MYO16: variants seen among roughly 807,000 people sequenced by gnomAD.
The protein encoded by MYO16 is unconventional myosin-XVI.
In MYO16, 94 loss-of-function variants were observed where a neutral mutation model predicts 205.3. The ratio of observed to expected loss-of-function variants is 0.46; its 90% CI spans 0.39 to 0.54. MYO16 has a LOEUF of 0.54. Ranked by LOEUF, MYO16 falls within the 20% of genes least tolerant of loss-of-function variation. The pLI is 0.00. For missense variants in MYO16, 2,315 were observed against 2,387.5 expected, an observed-to-expected ratio of 0.97 and a Z score of 0.63; for synonymous variants, 988 against 954.0, an observed-to-expected ratio of 1.04 and a Z score of -0.66.
intron 9 of MYO16, among the ~76,000 whole-genome samples, chr13:108,826,100 G>A (rs1430063549): frequency 6.6e-6 from 1 of 151,952 alleles, no homozygotes; most frequent in Non-Finnish European, 1.5e-5. Context: ...AACAATTCAA[G>A]GACCCAGAAT....
intron 16 of MYO16, among the ~76,000 whole-genome samples, chr13:108,921,005 GCA>G (rs1334331120): frequency 6.6e-6 from 1 of 152,158 alleles, no homozygotes; most frequent in African/African-American, 2.4e-5. Context: ...AGGGACACCT[GCA>G]CAGTTCCACA....
chr13:108,747,729 A>C (rs7988524), intron 4 of MYO16, among the ~76,000 whole-genome samples: 149,524 of 152,244 alleles, frequency 0.98, 73,470 homozygotes, highest in Middle Eastern at 1. Context: ...AATTAAAAGA[A>C]ACAGATCATT....
the MYO16 span, among the ~76,000 whole-genome samples, chr13:108,562,852 T>A: frequency 6.6e-6 from 1 of 152,196 alleles, no homozygotes; most frequent in Non-Finnish European, 1.5e-5. Flanking sequence ...TTTAGGTTTG[T>A]GTAAGTGTTT....
chr13:108,521,338 G>A, the MYO16 span, among the ~76,000 whole-genome samples: 18 of 152,192 alleles, frequency 1.2e-4, no homozygotes, highest in East Asian at 1.9e-4. Flanking sequence ...AGTGATATAA[G>A]TAATCAATAC....
chr13:109,108,437 G>T (rs1405221461), intron 28 of MYO16, among the ~76,000 whole-genome samples: 1 of 152,156 alleles, frequency 6.6e-6, no homozygotes, highest in South Asian at 2.1e-4. Context: ...GTACTATCTG[G>T]CACCTACTAA....
At chr13:108,914,273 T>C (rs967788264) in intron 16 of MYO16, among the ~76,000 whole-genome samples, 7 of 151,250 alleles carry the variant, frequency 4.6e-5, no homozygotes, top group African/African-American at 1.2e-4. Context: ...ATATCTACTA[T>C]TATTAAGAAT....
In MYO16 at chr13:109,115,560, G is replaced by A. The variant is rs577068839; in HGVS notation, c.3439-4810G>A. ...TAGTGAGAAACATTCTTTGATGTGA[G>A]AATGCCACCAAAATGAAAAACGTAG... On this transcript the variant is annotated intron_variant, in intron 28 of 34. Coordinates refer to ENST00000457511, the MANE Select transcript of MYO16 (RefSeq NM_001198950.3). Among the ~76,000 whole-genome samples, 24 of 152,252 alleles carry A rather than the reference G, an allele frequency of 1.6e-4. 1 individual carries two copies. In the East Asian group the frequency reaches 4.6e-3, roughly 29 times the overall value.
intron 1 of MYO16, among the ~76,000 whole-genome samples, chr13:108,650,557 C>T (rs918401535): frequency 3.3e-5 from 5 of 152,148 alleles, no homozygotes; most frequent in African/African-American, 9.7e-5. Context: ...GCAGAAAGAT[C>T]GTTCAACATT....
At chr13:109,036,513 T>C (rs944084380) in intron 23 of MYO16, among the ~76,000 whole-genome samples, 1 of 152,182 alleles carries the variant, frequency 6.6e-6, no homozygotes, top group Admixed American at 6.5e-5. Context: ...AAAAGCCGCA[T>C]ACTGTCACTG....
chr13:108,869,598 G>A (rs1878926035), intron 12 of MYO16, among the ~76,000 whole-genome samples: 1 of 150,212 alleles, frequency 6.7e-6, no homozygotes, highest in Non-Finnish European at 1.5e-5. Flanking sequence ...GGGCGTCGTG[G>A]CGGGCGTCTG....
intron 4 of MYO16, among the ~76,000 whole-genome samples, chr13:108,780,521 A>G (rs1244606866): frequency 6.6e-6 from 1 of 152,200 alleles, no homozygotes; most frequent in African/African-American, 2.4e-5. Context: ...ACAAATATCT[A>G]TCTGGAATGA....
chr13:108,522,716 A>C, the MYO16 span, among the ~76,000 whole-genome samples: 2 of 151,830 alleles, frequency 1.3e-5, no homozygotes. Flanking sequence ...CTCGGCTTGT[A>C]GATCTCTGCT....
the MYO16 span, among the ~76,000 whole-genome samples, chr13:108,506,403 T>G: frequency 2.0e-5 from 3 of 152,150 alleles, no homozygotes; most frequent in Admixed American, 6.5e-5. Context: ...TTCCTAAGCA[T>G]TTTATTCTTT....
intron 3 of MYO16, among the ~76,000 whole-genome samples, chr13:108,717,020 C>T (rs532930364): frequency 3.6e-4 from 55 of 152,014 alleles, no homozygotes; most frequent in South Asian, 3.5e-3. Context: ...GTCTGTATCC[C>T]AGGCAGTTGG....
intron 22 of MYO16, among the ~76,000 whole-genome samples, chr13:109,015,604 G>T (rs1234619402): frequency 6.6e-6 from 1 of 152,018 alleles, no homozygotes; most frequent in African/African-American, 2.4e-5. Flanking sequence ...GACTTTTTTG[G>T]TTTGTAGGCT....
the MYO16 span, among the ~76,000 whole-genome samples, chr13:108,540,180 G>A: frequency 6.6e-6 from 1 of 152,106 alleles, no homozygotes; most frequent in Non-Finnish European, 1.5e-5. Flanking sequence ...ACACTGTAAT[G>A]AAGGACACTG....
At chr13:109,101,065 T>C (rs888569368) in intron 28 of MYO16, among the ~76,000 whole-genome samples, 178 bp downstream of exon 28, 26 of 152,178 alleles carry the variant, frequency 1.7e-4, no homozygotes, top group Admixed American at 6.5e-5. Flanking sequence ...TTACCGATTT[T>C]AACATCTTGC....
chr13:108,548,216 A>ATGGTGG, the MYO16 span, among the ~76,000 whole-genome samples: 4 of 145,088 alleles, frequency 2.8e-5, no homozygotes, highest in South Asian at 7.3e-4. Context: ...AATGATGATG[A>ATGGTGG]TGGTGGTGGT....
intron 16 of MYO16, among the ~76,000 whole-genome samples, chr13:108,937,711 T>C (rs1454023799): frequency 6.6e-6 from 1 of 152,216 alleles, no homozygotes; most frequent in Non-Finnish European, 1.5e-5. Flanking sequence ...TTTCAGAACC[T>C]CTGATACTCT....
Sources: gnomAD v4.1 joint callset for allele counts (sites outside exome capture counted in the v4.1 genomes callset) on GRCh38, gnomAD v4.1.1 for gene constraint, MANE v1.5 for transcripts, NCBI Gene and HGNC (gene_info 2026-07-23, HGNC 2026-07-21) for gene names.